The following VAV3 variants were observed in gnomAD, a reference collection of about 807,000 sequenced individuals.
The protein encoded by VAV3 is guanine nucleotide exchange factor VAV3.
A neutral mutation model predicts 131.2 loss-of-function variants in VAV3; 94 were observed. The ratio of observed to expected loss-of-function variants is 0.72; its 90% CI spans 0.61 to 0.85. The LOEUF is 0.85. VAV3 is among the 40% of genes least tolerant of loss of function. VAV3 has a pLI of 0.00. For synonymous variants in VAV3, 349 were observed against 342.0 expected (o/e 1.02, Z -0.22); for missense variants, 939 against 1,002.7 (o/e 0.94, Z 0.86).
intron 19 of VAV3, among the ~76,000 whole-genome samples, chr1:107,648,919 C>G (rs982578959): frequency 3.3e-5 from 5 of 151,912 alleles, no homozygotes; most frequent in Non-Finnish European, 2.9e-5. Context: ...CTGGTGTTAT[C>G]TTGGGAAGCA....
rs1486392535 is a variant in VAV3 at position 107,768,443 on chromosome 1, G to C, written c.715C>G (p.Pro239Ala). ...TTAGCTAGCATATTTTTACTCACAG[G>C]AATGTTGATGAATACTGAATCAAAT... ...AEFDSVFINI[P>A]ELVKLHRNLM... Residue 239 changes from proline (P) to alanine (A), a missense_variant and splice_region_variant, in exon 7 of 27, where the codon CCT becomes GCT. Physicochemically the swap from Pro to Ala is conservative, Grantham distance 27. Coordinates refer to ENST00000370056, the MANE Select transcript of VAV3 (RefSeq NM_006113.5). The C allele has an allele frequency of 6.2e-7, 1 of 1,610,032 alleles. No homozygotes were observed. Among genetic ancestry groups the C allele is most frequent in the Non-Finnish European group, 8.5e-7 (1 of 1,178,072 alleles).
intron 2 of VAV3, among the ~76,000 whole-genome samples, chr1:107,851,171 C>CAAAAAAAA (rs35609784): frequency 1.0e-4 from 7 of 68,500 alleles, no homozygotes; most frequent in African/African-American, 1.6e-4. Flanking sequence ...GACTCCGTCT[C>CAAAAAAAA]AAAAAAAAAA....
chr1:107,952,852 C>T (rs994544044), intron 1 of VAV3, among the ~76,000 whole-genome samples: 1 of 152,102 alleles, frequency 6.6e-6, no homozygotes, highest in Non-Finnish European at 1.5e-5. Context: ...TTCACTTGCA[C>T]AAATTTCCAT....
intron 25 of VAV3, among the ~76,000 whole-genome samples, chr1:107,575,624 TA>T (rs1016798357): frequency 6.6e-6 from 1 of 152,170 alleles, no homozygotes; most frequent in African/African-American, 2.4e-5. Context: ...TCGGTGCACA[TA>T]AAAACACCCC....
At chr1:107,646,722 G>A (rs4276944) in intron 19 of VAV3, among the ~76,000 whole-genome samples, 150,115 of 152,116 alleles carry the variant, frequency 0.99, 74,087 homozygotes, top group Middle Eastern at 1. Flanking sequence ...CAGACAAAAT[G>A]CCCAAGTCAA....
chr1:107,899,321 G>A (rs945043734), intron 1 of VAV3, among the ~76,000 whole-genome samples: 1 of 152,146 alleles, frequency 6.6e-6, no homozygotes, highest in African/African-American at 2.4e-5. Flanking sequence ...GCGGTAAGCG[G>A]CCATCCAATC....
At position 107,810,309 on chromosome 1, in the gene VAV3, G is replaced by A. The variant is rs554837053; in HGVS notation, c.322-30817C>T. On this transcript the variant is annotated intron_variant, in intron 2 of 26. Transcript: ENST00000370056. ...TTTCTACACATTCAGAGCCACAGAA[G>A]ACCACAAGGCAATGAGGACAGAAGA... is the stretch of plus-strand genomic sequence containing the variant. Among the ~76,000 whole-genome samples the A allele has an allele frequency of 2.6e-5, 4 of 152,210 alleles. No homozygotes were observed. In the South Asian group the frequency reaches 6.2e-4, roughly 24 times the overall value.
chr1:107,576,409 G>C (rs1048550165), intron 25 of VAV3: 2 of 1,524,052 alleles, frequency 1.3e-6, no homozygotes, highest in African/African-American at 1.4e-5. Flanking sequence ...GAAAGGAGTG[G>C]AAGAAGGGGG....
At chr1:107,809,321 C>A (rs1042321126) in intron 2 of VAV3, among the ~76,000 whole-genome samples, 2 of 152,074 alleles carry the variant, frequency 1.3e-5, no homozygotes, top group Non-Finnish European at 2.9e-5. Flanking sequence ...AAAAGAAGAA[C>A]ACAGAATGAA....
rs994331100 is a variant in VAV3 at position 107,903,925 on chromosome 1, C to G, written c.205-28908G>C. Among the ~76,000 whole-genome samples, 7 of 152,258 alleles carry G rather than the reference C, an allele frequency of 4.6e-5. No homozygotes were observed. The East Asian group carries it at 1.4e-3, about 29-fold the overall frequency. On this transcript the variant is annotated intron_variant, in intron 1 of 26. Coordinates refer to ENST00000370056, the MANE Select transcript of VAV3 (RefSeq NM_006113.5). ...GCAGCTCCTCTCAACCCTCTGCCGC[C>G]TGCCTCATACTACTCCTTTGCCTAC...
chr1:107,643,676 T>G (rs1231646803), intron 19 of VAV3, among the ~76,000 whole-genome samples: 1 of 152,172 alleles, frequency 6.6e-6, no homozygotes, highest in Non-Finnish European at 1.5e-5. Flanking sequence ...AATGCTGCAC[T>G]AAACATGTAA....
intron 2 of VAV3, among the ~76,000 whole-genome samples, chr1:107,850,591 G>A (rs974278402): frequency 3.3e-5 from 5 of 151,972 alleles, no homozygotes; most frequent in African/African-American, 1.2e-4. Flanking sequence ...GGCAAGGGGA[G>A]GGATTGCATT....
intron 19 of VAV3, among the ~76,000 whole-genome samples, chr1:107,654,931 T>C (rs1656430687): frequency 6.6e-6 from 1 of 152,006 alleles, no homozygotes; most frequent in Non-Finnish European, 1.5e-5. Flanking sequence ...CTGTAGGCTA[T>C]AAAGAAAAAT....
chr1:107,707,107 A>T (rs981082082), intron 15 of VAV3, among the ~76,000 whole-genome samples: 2 of 152,246 alleles, frequency 1.3e-5, no homozygotes, highest in African/African-American at 2.4e-5. Context: ...AATATTGTTA[A>T]CAGTAGCTGC....
At chr1:107,923,205 A>G (rs1672998960) in intron 1 of VAV3, among the ~76,000 whole-genome samples, 1 of 152,150 alleles carries the variant, frequency 6.6e-6, no homozygotes, top group South Asian at 2.1e-4. Context: ...CTCATATGGT[A>G]TATTTCTGTG....
chr1:107,958,097 T>C (rs1209701604), intron 1 of VAV3, among the ~76,000 whole-genome samples: 2 of 152,178 alleles, frequency 1.3e-5, no homozygotes, highest in African/African-American at 2.4e-5. Flanking sequence ...GTATTGAGTT[T>C]AAAATTATGC....
chr1:107,800,500 A>C, intron 2 of VAV3, among the ~76,000 whole-genome samples: 1 of 152,060 alleles, frequency 6.6e-6, no homozygotes, highest in East Asian at 1.9e-4. Flanking sequence ...CTTCTGAGAA[A>C]TTTTTACTCA....
intron 1 of VAV3, among the ~76,000 whole-genome samples, chr1:107,932,670 A>C (rs1379370462): frequency 3.3e-5 from 5 of 152,226 alleles, no homozygotes; most frequent in African/African-American, 1.2e-4. Context: ...TACCTGGGTG[A>C]GTCCTAAATA....
chr1:107,953,420 A>T (rs1674649733), intron 1 of VAV3, among the ~76,000 whole-genome samples: 1 of 152,224 alleles, frequency 6.6e-6, no homozygotes, highest in African/African-American at 2.4e-5. Flanking sequence ...GAGAAAACAG[A>T]TTCAATAAGT....
Sources: gnomAD v4.1 joint callset for allele counts (sites outside exome capture counted in the v4.1 genomes callset) on GRCh38, gnomAD v4.1.1 for gene constraint, MANE v1.5 for transcripts, NCBI Gene and HGNC (gene_info 2026-07-23, HGNC 2026-07-21) for gene names.